PTPRS: variants seen among roughly 807,000 people sequenced by gnomAD.
PTPRS encodes the protein receptor-type tyrosine-protein phosphatase S.
A neutral mutation model predicts 215.3 loss-of-function variants in PTPRS; 63 were observed. That is an observed-to-expected ratio of 0.29 (90% CI 0.24 to 0.36). The LOEUF (loss-of-function observed/expected upper bound fraction) is 0.36. Among genes scored for constraint, PTPRS ranks in the 10% least tolerant of loss-of-function variants. The pLI is 1.00. For synonymous variants in PTPRS, 1,404 were observed against 1,191.4 expected (o/e 1.18, Z -3.68); for missense variants, 2,258 against 2,825.8 (o/e 0.80, Z 4.56).
At chr19:5,324,226 C>CAA (rs55793961) in intron 1 of PTPRS, among the ~76,000 whole-genome samples, 506 of 72,296 alleles carry the variant, frequency 7.0e-3, no homozygotes, top group Middle Eastern at 8.3e-3. Flanking sequence ...AACCCTGCCT[C>CAA]AAAAAAAAAA....
intron 2 of PTPRS, chr19:5,277,860 C>T: frequency 1.1e-6 from 1 of 891,772 alleles, no homozygotes; most frequent in East Asian, 2.5e-5. Flanking sequence ...GAGGTATTGA[C>T]AACAGGGTTC....
chr19:5,307,867 T>C (rs919268714), intron 1 of PTPRS, among the ~76,000 whole-genome samples: 1 of 152,220 alleles, frequency 6.6e-6, no homozygotes, highest in Non-Finnish European at 1.5e-5. Flanking sequence ...TAAAGCTTTA[T>C]TGGCACATAG....
In PTPRS at chr19:5,231,577, C is replaced by A; in HGVS notation, c.1888G>T (p.Val630Leu). 1 of 1,590,104 alleles carries A rather than the reference C, an allele frequency of 6.3e-7. No individual in the cohort carries two copies. Among genetic ancestry groups the A allele is most frequent in the South Asian group, 1.1e-5 (1 of 89,748 alleles). ...CTTACCAAAATGGCCGTGGAGCGCACGCTGACACATTTAACGTCTTGAGGG... is the reference window on the plus strand; with the variant it reads ...CTTACCAAAATGGCCGTGGAGCGCAAGCTGACACATTTAACGTCTTGAGGG... ...APPQDVKCVS[V>L]RSTAILVSWR... The change falls in exon 14 of 38, where the codon GTG becomes TTG. Residue 630 changes from valine (V) to leucine (L), a missense_variant. Physicochemically the swap from Val to Leu is conservative, Grantham distance 32. Around this residue, in one of 6 missense-constraint regions of PTPRS, gnomAD observed 371 missense variants for 446.7 expected, o/e 0.83. Transcript: ENST00000262963.
chr19:5,210,623 C>G lies in PTPRS; in HGVS notation c.5362-29G>C. 1 of 1,614,044 alleles carries G rather than the reference C, an allele frequency of 6.2e-7. No homozygotes were observed. Among genetic ancestry groups the G allele is most frequent in the Non-Finnish European group, 8.5e-7 (1 of 1,179,986 alleles). On this transcript the variant is annotated intron_variant, in intron 34 of 37. Coordinates refer to ENST00000262963, the MANE Select transcript of PTPRS (RefSeq NM_002850.4). The surrounding 1 kb of genome is among the most constrained non-coding windows in gnomAD (Gnocchi z 4.5). The stretch of plus-strand genomic sequence containing the variant: ...TGGAGGAGATGGCGGCCGTGGTCAG[C>G]GCTGTCTGAGCCACAGTCTGGCCCT...
chr19:5,212,320 G>C lies in PTPRS; in HGVS notation c.4769+17C>G. The C allele has an allele frequency of 6.2e-7, 1 of 1,613,068 alleles. No individual in the cohort carries two copies. Among genetic ancestry groups the C allele is most frequent in the Non-Finnish European group, 8.5e-7 (1 of 1,179,468 alleles). On this transcript the variant is annotated intron_variant, in intron 31 of 37. Coordinates refer to ENST00000262963, the MANE Select transcript of PTPRS (RefSeq NM_002850.4). ...GGACCGGGGGGAAGCGGATGGGGCA[G>C]AGTGGGGTGGACGTACCTGCAGTGA... is the stretch of plus-strand genomic sequence containing the variant.
At chr19:5,316,228 C>G (rs2049871820) in intron 1 of PTPRS, among the ~76,000 whole-genome samples, 2 of 151,814 alleles carry the variant, frequency 1.3e-5, no homozygotes, top group African/African-American at 4.8e-5. Flanking sequence ...CTTTTTAATA[C>G]TCTTTTGGAC....
chr19:5,259,007 A>G (rs2045783578), intron 7 of PTPRS, among the ~76,000 whole-genome samples: 1 of 152,224 alleles, frequency 6.6e-6, no homozygotes. Flanking sequence ...ACCCAATTCT[A>G]TGATGCTCAT....
rs990594427 is a variant in PTPRS at position 5,217,446 on chromosome 19, T to C, written c.4049-679A>G. On this transcript the variant is annotated intron_variant, in intron 25 of 37. Transcript: ENST00000262963. ...GAGGGGTGATACATGAGGCCCTGCATGATCCCTTTATGAGGACAGCAGCCA... is the reference window on the plus strand; with the variant it reads ...GAGGGGTGATACATGAGGCCCTGCACGATCCCTTTATGAGGACAGCAGCCA... Among the ~76,000 whole-genome samples, 3 of 152,242 alleles carry C rather than the reference T, an allele frequency of 2.0e-5. No individual in the cohort carries two copies. In the East Asian group the frequency reaches 5.8e-4, roughly 29 times the overall value.
At chr19:5,229,195 GGGA>G (rs928215620) in intron 16 of PTPRS, 118 bp downstream of exon 16, 1 of 1,119,156 alleles carries the variant, frequency 8.9e-7, no homozygotes, top group African/African-American at 1.6e-5. Context: ...AGGGGCGCAT[GGGA>G]GGGCCCAGAG....
chr19:5,220,527 G>A (rs1308484969), intron 20 of PTPRS, among the ~76,000 whole-genome samples, 174 bp from the exon 21 acceptor site: 3 of 152,222 alleles, frequency 2.0e-5, no homozygotes, highest in Non-Finnish European at 4.4e-5. Flanking sequence ...AGGCCTCCAG[G>A]CCTTGGATGA....
intron 30 of PTPRS, among the ~76,000 whole-genome samples, chr19:5,212,821 T>C (rs144224104): frequency 0.042 from 6,253 of 148,250 alleles, 451 homozygotes; most frequent in African/African-American, 0.15. Flanking sequence ...CCAGCCTGGG[T>C]GACAGAGTGA....
chr19:5,287,998 AC>A lies in PTPRS; in HGVS notation c.-94-1765del, dbSNP rs1417333965. 6.6e-6 allele frequency among the ~76,000 whole-genome samples: 1 copy of A among 151,504 alleles called. No individual in the cohort carries two copies. Among genetic ancestry groups the A allele is most frequent in the Non-Finnish European group, 1.5e-5 (1 of 67,868 alleles). On this transcript the variant is annotated intron_variant, in intron 1 of 37. Transcript: ENST00000262963. This position sits in a 1 kb window ranked among gnomAD's most constrained non-coding sequence, Gnocchi z 4.8. ...CACACACACACACACACACACACACACACACACACACAATCAGGCAAATAAA... is the reference window on the plus strand; with the variant it reads ...CACACACACACACACACACACACACAACACACACACAATCAGGCAAATAAA...
In PTPRS at chr19:5,286,394, T is replaced by G. The variant is rs903767870; in HGVS notation, c.-94-160A>C. 1.1e-5 allele frequency: 6 copies of G among 524,188 alleles called. 1 individual carries two copies. In the Admixed American group the frequency reaches 1.9e-4, roughly 17 times the overall value. The allele number at this position is 524,188 out of a possible 1,614,324, so 32.5% of individuals were successfully genotyped here. A position where few individuals can be genotyped will look rare whatever the true frequency, so the allele number is the denominator to read the frequency against. On this transcript the variant is annotated intron_variant, in intron 1 of 37. Coordinates refer to ENST00000262963, the MANE Select transcript of PTPRS (RefSeq NM_002850.4). ...ATGGGGTGATGGGATGGAATGAAAG[T>G]GCTGGGCCCTTGCTATAGAATTAAG...
chr19:5,339,054 A>G lies in PTPRS; in HGVS notation c.-95+1610T>C, dbSNP rs2050600086. ...TTCCTGCCTCCTCCGGCTTCTAGGT[A>G]TCATCCCTGCTGCTCAGCCGGGACT... On this transcript the variant is annotated intron_variant, in intron 1 of 37. Coordinates refer to ENST00000262963, the MANE Select transcript of PTPRS (RefSeq NM_002850.4). The surrounding 1 kb of genome is among the most constrained non-coding windows in gnomAD (Gnocchi z 4.2). 6.6e-6 allele frequency among the ~76,000 whole-genome samples: 1 copy of G among 152,162 alleles called. No homozygotes were observed. The highest frequency in any genetic ancestry group is 1.5e-5 in the Non-Finnish European group (1 of 68,018).
chr19:5,229,442 C>A, intron 15 of PTPRS, 49 bp downstream of exon 15: 3 of 1,371,188 alleles, frequency 2.2e-6, no homozygotes, highest in Non-Finnish European at 2.8e-6. Flanking sequence ...CGCAAGGGCC[C>A]GTCCCCGCCC....
intron 4 of PTPRS, among the ~76,000 whole-genome samples, chr19:5,267,767 C>T (rs141009031): frequency 3.7e-5 from 5 of 133,870 alleles, no homozygotes; most frequent in Non-Finnish European, 7.8e-5. Context: ...AGTGACAAAT[C>T]GCAGTGCTGT....
At chr19:5,218,841 A>G (rs1014305043) in intron 23 of PTPRS, 43 bp from the exon 24 acceptor site, 3 of 1,566,858 alleles carry the variant, frequency 1.9e-6, no homozygotes, top group African/African-American at 2.7e-5. Flanking sequence ...GGAAAAAAAG[A>G]AGAAAGGTGA....
chr19:5,289,369 C>T (rs962407683), intron 1 of PTPRS, among the ~76,000 whole-genome samples: 10 of 152,208 alleles, frequency 6.6e-5, no homozygotes, highest in African/African-American at 2.4e-4. Flanking sequence ...ATGTCGTCAC[C>T]TCCATCGTGG....
intron 1 of PTPRS, among the ~76,000 whole-genome samples, chr19:5,319,395 G>A (rs369792156): frequency 2.4e-4 from 37 of 151,226 alleles, no homozygotes; most frequent in African/African-American, 7.0e-4. Flanking sequence ...CAGCCTGGAC[G>A]ACAGAGCCAG....
Sources: allele counts gnomAD v4.1 joint callset (sites outside exome capture counted in the v4.1 genomes callset), GRCh38; gene constraint gnomAD v4.1.1; regional missense constraint gnomAD v4.1.1; non-coding constraint Gnocchi (gnomAD v3.1); transcripts MANE v1.5; gene names NCBI Gene and HGNC (gene_info 2026-07-23, HGNC 2026-07-21).